The following POLD1 variants were observed in gnomAD, a reference collection of about 807,000 sequenced individuals.
POLD1 encodes DNA polymerase delta catalytic subunit.
Under a neutral mutation model 129.7 loss-of-function variants are expected in POLD1, and 79 were observed. That is an observed-to-expected ratio of 0.61 (90% CI 0.51 to 0.73). POLD1 has a LOEUF of 0.73. POLD1 is among the 30% of genes least tolerant of loss of function. POLD1 has a pLI of 0.00. For missense variants in POLD1, 1,338 were observed against 1,595.8 expected (o/e 0.84, Z 2.75); for synonymous variants, 714 against 683.3 (o/e 1.04, Z -0.70).
chr19:50,416,009 C>T (rs2039274739), intron 22 of POLD1, 183 bp downstream of exon 22: 3 of 590,130 alleles, frequency 5.1e-6, no homozygotes, highest in East Asian at 2.9e-5. Context: ...TATTCTGACC[C>T]CTCCCTTGCT....
At chr19:50,387,214 G>A (rs998359652) in intron 1 of POLD1, among the ~76,000 whole-genome samples, 2 of 152,182 alleles carry the variant, frequency 1.3e-5, no homozygotes, top group Non-Finnish European at 2.9e-5. Context: ...CTACCTGCGA[G>A]GCTGAGGCAG....
At position 50,417,970 on chromosome 19, in the gene POLD1, G is replaced by A. The variant is rs1237330913; in HGVS notation, c.*23G>A. The A allele has an allele frequency of 5.0e-6, 7 of 1,409,152 alleles. No individual in the cohort carries two copies. Among genetic ancestry groups the A allele is most frequent in the South Asian group, 2.4e-5 (2 of 84,830 alleles). The allele number at this position is 1,409,152 out of a possible 1,614,324, so 87.3% of individuals were successfully genotyped here. A position where few individuals can be genotyped will look rare whatever the true frequency, so the allele number is the denominator to read the frequency against. The stretch of plus-strand genomic sequence containing the variant: ...TGACCTTGCAAGCATCCCATGGGGC[G>A]GGGGCGGGACCAGGGAGAATTAATA... On this transcript the variant is annotated 3_prime_UTR_variant, in exon 27 of 27. Transcript: ENST00000440232.
chr19:50,384,637 G>A (rs1024279564), intron 1 of POLD1, among the ~76,000 whole-genome samples: 1 of 152,136 alleles, frequency 6.6e-6, no homozygotes, highest in Non-Finnish European at 1.5e-5. Flanking sequence ...GGCGGGACGT[G>A]GCCCGGGAGG....
At position 50,416,612 on chromosome 19, in the gene POLD1, G is replaced by T. The variant is rs1601247278; in HGVS notation, c.2956G>T (p.Gly986Trp). The change falls in exon 24 of 27, where the codon GGG (glycine) becomes TGG (tryptophan). Residue 986 changes from glycine (G) to tryptophan (W), a missense_variant and splice_region_variant. By Grantham distance (184) the Gly-to-Trp change is radical. Around this residue, in one of 3 missense-constraint regions of POLD1, gnomAD observed 286 missense variants for 277.5 expected, o/e 1.03. Coordinates refer to ENST00000440232, the MANE Select transcript of POLD1 (RefSeq NM_002691.4). The part of the protein sequence containing the change: ...EGRAEAVLLR[G>W]DHTRCKTVLT... ...ACCACCTGCCTCCTCTCCTGCAGGG[G>T]GGGACCACACGCGCTGCAAGACGGT... 6.4e-7 allele frequency: 1 copy of T among 1,560,996 alleles called. No homozygotes were observed. The highest frequency in any genetic ancestry group is 1.2e-5 in the South Asian group (1 of 85,256).
chr19:50,416,371 G>A (rs780129486), intron 22 of POLD1, 25 bp from the exon 23 acceptor site: 53 of 1,546,846 alleles, frequency 3.4e-5, no homozygotes, highest in Non-Finnish European at 4.4e-5. Context: ...CTGGCTGCCC[G>A]GGTGTGACTG....
chr19:50,413,653 G>T (rs1004874353), intron 18 of POLD1, 89 bp from the exon 19 acceptor site: 1 of 1,544,076 alleles, frequency 6.5e-7, no homozygotes, highest in Non-Finnish European at 8.8e-7. Flanking sequence ...CTTGGGTCCC[G>T]TTGGCATTAG....
At chr19:50,413,929 C>T (rs1305661717) in intron 19 of POLD1, 50 bp downstream of exon 19, 2 of 1,518,308 alleles carry the variant, frequency 1.3e-6, no homozygotes, top group Non-Finnish European at 1.8e-6. Context: ...CATCAGGGTA[C>T]TCAGGGTGTC....
At chr19:50,417,749 G>A in intron 26 of POLD1, 93 bp from the exon 27 acceptor site, 4 of 756,204 alleles carry the variant, frequency 5.3e-6, no homozygotes, top group South Asian at 4.5e-5. Flanking sequence ...GCAGCAGGCG[G>A]GGACCAAAGT....
At chr19:50,414,790 G>A (rs1353798919) in intron 19 of POLD1, 25 bp from the exon 20 acceptor site, 18 of 1,500,606 alleles carry the variant, frequency 1.2e-5, no homozygotes, top group Middle Eastern at 1.8e-4. Flanking sequence ...TCAGGCTCAG[G>A]GTCTTGGCCA....
At chr19:50,407,702 G>A (rs1345306430) in intron 14 of POLD1, among the ~76,000 whole-genome samples, 1 of 148,068 alleles carries the variant, frequency 6.8e-6, no homozygotes, top group Non-Finnish European at 1.5e-5. Flanking sequence ...GGGACTACAG[G>A]CGCCCACCAC....
intron 3 of POLD1, among the ~76,000 whole-genome samples, chr19:50,401,279 G>A (rs772515585): frequency 2.2e-5 from 3 of 134,772 alleles, no homozygotes; most frequent in South Asian, 4.6e-4. Context: ...ATTAATTTAT[G>A]TATAACATAT....
Position 50,403,231 on chromosome 19 carries a change from T to A in POLD1, c.1137+12T>A. 2 of 1,539,916 alleles carry A rather than the reference T, an allele frequency of 1.3e-6. No individual in the cohort carries two copies. Among genetic ancestry groups the A allele is most frequent in the Non-Finnish European group, 1.8e-6 (2 of 1,139,494 alleles). On this transcript the variant is annotated intron_variant, in intron 9 of 26. Coordinates refer to ENST00000440232, the MANE Select transcript of POLD1 (RefSeq NM_002691.4). ...AGGACCTGCTGCAGGTAGCTCTCGCTCCACGCCCCACACCATTTCCCGGGG... is the reference window on the plus strand; with the variant it reads ...AGGACCTGCTGCAGGTAGCTCTCGCACCACGCCCCACACCATTTCCCGGGG...
chr19:50,414,812 C>A lies in POLD1; in HGVS notation c.2389-3C>A. 3 of 1,534,072 alleles carry A rather than the reference C, an allele frequency of 2.0e-6. No homozygotes were observed. The highest frequency in any genetic ancestry group is 2.4e-5 in the East Asian group (1 of 41,674). On this transcript the variant is annotated splice_region_variant and splice_polypyrimidine_tract_variant and intron_variant, in intron 19 of 26. Coordinates refer to ENST00000440232, the MANE Select transcript of POLD1 (RefSeq NM_002691.4). ...CAGGGTCTTGGCCATGGCTCCCTCC[C>A]AGGTCTACTTCCCATACCTGCTTAT...
chr19:50,387,593 A>T (rs1009876512), intron 1 of POLD1: 1 of 152,224 alleles, frequency 6.6e-6, no homozygotes, highest in Non-Finnish European at 1.5e-5. Context: ...CGTCCCTCCC[A>T]CCGCACCCCC....
chr19:50,413,867 G>A lies in POLD1; in HGVS notation c.2376G>A (p.Leu792=), dbSNP rs2039181523. 2.5e-6 allele frequency: 4 copies of A among 1,603,328 alleles called. No homozygotes were observed. Among genetic ancestry groups the A allele is most frequent in the African/African-American group, 1.3e-5 (1 of 74,792 alleles). The change falls in exon 19 of 27, where the codon CTG becomes CTA. Residue 792 remains leucine (L), a synonymous_variant. Coordinates refer to ENST00000440232, the MANE Select transcript of POLD1 (RefSeq NM_002691.4). ...GTCACTTCCCGTCGCCCATCCGGCT[G>A]GAGTTTGAGAAGGTGCGTGGCTGGG... ...VSGHFPSPIR[L]EFEKVYFPYL...
At chr19:50,405,795 A>G (rs2038853884) in intron 10 of POLD1, among the ~76,000 whole-genome samples, 2 of 152,106 alleles carry the variant, frequency 1.3e-5, no homozygotes, top group South Asian at 2.1e-4. Context: ...GGCGCCCTCC[A>G]GCGCCCTCAG....
Position 50,391,466 on chromosome 19 carries a change from C to T in POLD1, c.-2+7076C>T, listed in dbSNP as rs185373867. ...ATCCCGGCACCTCGGGAGGCCCAGG[C>T]GGGCAGATCACTCGCGGTCAGGAGC... On this transcript the variant is annotated intron_variant, in intron 1 of 26. Coordinates refer to ENST00000440232, the MANE Select transcript of POLD1 (RefSeq NM_002691.4). Among the ~76,000 whole-genome samples the T allele has an allele frequency of 6.9e-3, 1,049 of 152,300 alleles. 7 individuals are homozygous for T. The highest frequency in any genetic ancestry group is 0.01 in the Non-Finnish European group (693 of 68,028).
intron 4 of POLD1, 33 bp from the exon 5 acceptor site, chr19:50,401,966 C>T (rs756880501): frequency 6.2e-7 from 1 of 1,614,128 alleles, no homozygotes; most frequent in Admixed American, 1.7e-5. Context: ...CCACTGGAGC[C>T]CCCTGCACCT....
intron 1 of POLD1, among the ~76,000 whole-genome samples, chr19:50,385,483 G>A (rs1276001628): frequency 6.6e-6 from 1 of 151,740 alleles, no homozygotes; most frequent in Admixed American, 6.6e-5. Flanking sequence ...TCAGTGCCTC[G>A]CCTCAGCCCT....
Sources: allele counts gnomAD v4.1 joint callset (sites outside exome capture counted in the v4.1 genomes callset), GRCh38; gene constraint gnomAD v4.1.1; regional missense constraint gnomAD v4.1.1; transcripts MANE v1.5; gene names NCBI Gene and HGNC (gene_info 2026-07-23, HGNC 2026-07-21).